HDAC9: variants seen among roughly 807,000 people sequenced by gnomAD.
HDAC9 encodes the protein histone deacetylase 9, also known as MEF-2 interacting transcription repressor (MITR) protein.
Under a neutral mutation model 139.4 loss-of-function variants are expected in HDAC9, and 41 were observed. The ratio of observed to expected loss-of-function variants is 0.29; its 90% CI spans 0.23 to 0.38. The LOEUF (loss-of-function observed/expected upper bound fraction) is 0.38. HDAC9 is among the 10% of genes least tolerant of loss of function. HDAC9 has a pLI of 1.00. For synonymous variants in HDAC9, 517 were observed against 476.2 expected, an observed-to-expected ratio of 1.09 and a Z score of -1.12; for missense variants, 1,147 against 1,297.0, an observed-to-expected ratio of 0.88 and a Z score of 1.78.
intron 12 of HDAC9, among the ~76,000 whole-genome samples, chr7:18,708,585 G>T (rs1201051222): frequency 6.6e-6 from 1 of 152,152 alleles, no homozygotes; most frequent in African/African-American, 2.4e-5. Flanking sequence ...GAAAGGGAGA[G>T]AAATAAGCCA....
At chr7:18,321,225 A>G (rs866429965) in intron 1 of HDAC9, among the ~76,000 whole-genome samples, 3 of 152,092 alleles carry the variant, frequency 2.0e-5, no homozygotes, top group African/African-American at 2.4e-5. Context: ...TACTTTTTCT[A>G]TCTCTTCCCT....
intron 1 of HDAC9, among the ~76,000 whole-genome samples, chr7:18,334,088 T>A (rs1219280807): frequency 6.6e-6 from 1 of 151,392 alleles, no homozygotes; most frequent in African/African-American, 2.4e-5. Flanking sequence ...AAAATGTTTT[T>A]ACCAGTTAGA....
Position 18,175,227 on chromosome 7 carries a change from A to G in HDAC9, c.25+12878A>G, listed in dbSNP as rs529372354. 4.6e-5 allele frequency among the ~76,000 whole-genome samples: 7 copies of G among 152,280 alleles called. No individual in the cohort carries two copies. In the East Asian group the frequency reaches 1.4e-3, roughly 29 times the overall value. On this transcript the variant is annotated intron_variant, in intron 2 of 12. Transcript: ENST00000417496. ...GTCCATCTCAGATTGCCACGCTAGC[A>G]GTGAGCAAGGTTCTGTGGGTGTGGG...
chr7:18,657,960 T>C (rs1472813998), intron 11 of HDAC9, among the ~76,000 whole-genome samples: 1 of 152,036 alleles, frequency 6.6e-6, no homozygotes, highest in African/African-American at 2.4e-5. Flanking sequence ...CCCTCTCTTA[T>C]CTTTGAGGAA....
chr7:18,125,195 C>G (rs1784581976), intron 1 of HDAC9, among the ~76,000 whole-genome samples: 1 of 152,010 alleles, frequency 6.6e-6, no homozygotes, highest in Non-Finnish European at 1.5e-5. Context: ...CCATCTTTTA[C>G]CCTTTGTCTC....
At chr7:18,140,574 T>C (rs1370075867) in intron 1 of HDAC9, among the ~76,000 whole-genome samples, 1 of 152,206 alleles carries the variant, frequency 6.6e-6, no homozygotes. Flanking sequence ...GCTTAGGCTA[T>C]TGATTAGTGA....
At chr7:18,184,799 A>T (rs1789777023) in intron 2 of HDAC9, among the ~76,000 whole-genome samples, 1 of 152,224 alleles carries the variant, frequency 6.6e-6, no homozygotes, top group South Asian at 2.1e-4. Flanking sequence ...ACAGCTATAT[A>T]GTTGTGTCAG....
At chr7:18,659,852 A>G (rs2269754) in intron 11 of HDAC9, among the ~76,000 whole-genome samples, 58,289 of 151,524 alleles carry the variant, frequency 0.38, 14,581 homozygotes, top group African/African-American at 0.7. Flanking sequence ...TATCTAGCCA[A>G]CAAGGCAACA....
chr7:18,358,732 A>AT (rs1055844943), intron 1 of HDAC9, among the ~76,000 whole-genome samples: 1 of 152,210 alleles, frequency 6.6e-6, no homozygotes, highest in Non-Finnish European at 1.5e-5. Flanking sequence ...AAAACTAGAC[A>AT]TTAGTAGAAT....
intron 1 of HDAC9, among the ~76,000 whole-genome samples, chr7:18,380,653 C>T (rs1785352930): frequency 1.3e-5 from 2 of 152,274 alleles, no homozygotes; most frequent in South Asian, 4.1e-4. Flanking sequence ...AAAGGGAGGC[C>T]AAATACTTGC....
At chr7:18,245,393 A>G (rs1794458500) in intron 2 of HDAC9, among the ~76,000 whole-genome samples, 1 of 152,164 alleles carries the variant, frequency 6.6e-6, no homozygotes, top group South Asian at 2.1e-4. Flanking sequence ...GGATGGAGCC[A>G]CTTCTAACAC....
chr7:18,936,215 C>T (rs1051014704), intron 23 of HDAC9, among the ~76,000 whole-genome samples: 5 of 151,758 alleles, frequency 3.3e-5, no homozygotes, highest in East Asian at 1.9e-4. Flanking sequence ...CCAATGAGTA[C>T]GGAAACATTG....
intron 2 of HDAC9, among the ~76,000 whole-genome samples, chr7:18,229,142 C>T (rs1312862062): frequency 4.6e-5 from 7 of 152,224 alleles, no homozygotes; most frequent in Non-Finnish European, 8.8e-5. Context: ...TAACCTCATA[C>T]ATAAACCTGT....
At chr7:18,102,145 A>T (rs1167838594) in intron 1 of HDAC9, among the ~76,000 whole-genome samples, 1 of 152,240 alleles carries the variant, frequency 6.6e-6, no homozygotes, top group Non-Finnish European at 1.5e-5. Context: ...ATAAAGTGTC[A>T]AAATTCAGGA....
intron 22 of HDAC9, chr7:18,907,042 A>G (rs1563045047): frequency 1.3e-5 from 2 of 152,244 alleles, no homozygotes; most frequent in Admixed American, 6.5e-5. Context: ...CACCCTCACA[A>G]GAAAAGAAGA....
At chr7:18,578,503 CTCA>C in intron 2 of HDAC9, among the ~76,000 whole-genome samples, 1 of 152,308 alleles carries the variant, frequency 6.6e-6, no homozygotes, top group Middle Eastern at 3.4e-3. Context: ...TCCCCAGTCC[CTCA>C]TCATCATATT....
intron 6 of HDAC9, among the ~76,000 whole-genome samples, chr7:18,612,914 A>G (rs1023357100): frequency 4.0e-5 from 6 of 151,882 alleles, no homozygotes; most frequent in African/African-American, 1.4e-4. Flanking sequence ...AGTTTTAAAA[A>G]TAGGTATGTT....
chr7:18,405,840 A>G (rs1242356900), intron 1 of HDAC9, among the ~76,000 whole-genome samples: 1 of 152,234 alleles, frequency 6.6e-6, no homozygotes, highest in Non-Finnish European at 1.5e-5. Context: ...GCATAAAAAC[A>G]ATTTAACAAA....
chr7:18,833,396 C>T (rs967178884), intron 19 of HDAC9, among the ~76,000 whole-genome samples: 2 of 152,146 alleles, frequency 1.3e-5, no homozygotes, highest in Non-Finnish European at 2.9e-5. Context: ...TTCTGCTGTT[C>T]AAATTGTGGA....
Sources: gnomAD v4.1 joint callset for allele counts (sites outside exome capture counted in the v4.1 genomes callset) on GRCh38, gnomAD v4.1.1 for gene constraint, MANE v1.5 for transcripts, NCBI Gene and HGNC (gene_info 2026-07-23, HGNC 2026-07-21) for gene names.